The following NEDD9 variants were observed in gnomAD, a reference collection of about 807,000 sequenced individuals.
NEDD9 encodes the protein neural precursor cell expressed, developmentally down-regulated 9.
NEDD9 carries 26 observed loss-of-function variants against 76.6 expected under a neutral mutation model. The observed-to-expected ratio is 0.34, with a 90% CI of 0.25 to 0.47. NEDD9 has a LOEUF of 0.47. NEDD9 is among the 20% of genes least tolerant of loss of function. The pLI is 1.00. For synonymous variants in NEDD9, 392 were observed against 414.2 expected (o/e 0.95, Z 0.65); for missense variants, 937 against 1,058.5 (o/e 0.89, Z 1.59).
chr6:11,200,692 C>T (rs1758421404), intron 2 of NEDD9: 5 of 1,277,992 alleles, frequency 3.9e-6, no homozygotes, highest in Non-Finnish European at 5.0e-6. Context: ...ATGAGATCTA[C>T]GAGGCAGTGA....
rs184690520 is a variant in NEDD9 at position 11,183,699 on chromosome 6, C to T, written c.*1463G>A. 5.8e-4 allele frequency: 88 copies of T among 152,086 alleles called. No homozygotes were observed. Among genetic ancestry groups the T allele is most frequent in the African/African-American group, 2.1e-3 (88 of 41,462 alleles). 9.4% of individuals were successfully genotyped at this position (152,086 alleles called of 1,614,324 possible). A position where few individuals can be genotyped will look rare whatever the true frequency, so the allele number is the denominator to read the frequency against. ...GCATTCTTGTTTTTTAAATCCTTTT[C>T]TGTTCCAATGATTTGGTTGTTTAAA... On this transcript the variant is annotated 3_prime_UTR_variant, in exon 7 of 7. Transcript: ENST00000379446.
At chr6:11,242,629 C>T (rs1276648825) in intron 3 of NEDD9, among the ~76,000 whole-genome samples, 8 of 151,956 alleles carry the variant, frequency 5.3e-5, no homozygotes, top group Non-Finnish European at 1.0e-4. Flanking sequence ...CCAGACAGCT[C>T]TGTGCATTTT....
intron 3 of NEDD9, among the ~76,000 whole-genome samples, chr6:11,282,997 A>T (rs1321405443): frequency 6.6e-6 from 1 of 152,184 alleles, no homozygotes; most frequent in African/African-American, 2.4e-5. Context: ...CGATCTCTTT[A>T]TTGCAACCAT....
At chr6:11,349,660 T>C (rs1311149354) in intron 1 of NEDD9, among the ~76,000 whole-genome samples, 1 of 152,176 alleles carries the variant, frequency 6.6e-6, no homozygotes, top group African/African-American at 2.4e-5. Context: ...CTCAGCATAC[T>C]AATCGGGAAC....
chr6:11,372,986 C>CA (rs1230203385), intron 1 of NEDD9, among the ~76,000 whole-genome samples: 1 of 151,746 alleles, frequency 6.6e-6, no homozygotes, highest in Non-Finnish European at 1.5e-5. Context: ...TTGCTTCAGT[C>CA]AAAAAAACTC....
At chr6:11,375,835 T>A (rs1762960457) in intron 1 of NEDD9, among the ~76,000 whole-genome samples, 1 of 126,968 alleles carries the variant, frequency 7.9e-6, no homozygotes, top group Non-Finnish European at 1.8e-5. Flanking sequence ...TTTTTCTTTC[T>A]TTTTTTTGAG....
intron 1 of NEDD9, among the ~76,000 whole-genome samples, chr6:11,363,479 G>A (rs1008686744): frequency 6.6e-6 from 1 of 152,144 alleles, no homozygotes; most frequent in Non-Finnish European, 1.5e-5. Flanking sequence ...CATGGAATGG[G>A]GGGGAAGTCT....
intron 3 of NEDD9, among the ~76,000 whole-genome samples, chr6:11,265,511 G>A (rs529379961): frequency 2.4e-4 from 36 of 152,266 alleles, no homozygotes; most frequent in African/African-American, 8.7e-4. Flanking sequence ...TATCCTGAAA[G>A]AACAATTGGA....
At chr6:11,319,839 C>T (rs1205290657) in intron 2 of NEDD9, among the ~76,000 whole-genome samples, 19 of 151,092 alleles carry the variant, frequency 1.3e-4, no homozygotes, top group East Asian at 9.6e-4. Context: ...AATACACTCA[C>T]GCACTCATGC....
intron 3 of NEDD9, chr6:11,258,879 T>C (rs1000020362): frequency 6.6e-6 from 1 of 152,244 alleles, no homozygotes; most frequent in African/African-American, 2.4e-5. Flanking sequence ...AGCTGCAATA[T>C]GAAACCAGAA....
intron 2 of NEDD9, chr6:11,200,656 A>G: frequency 3.4e-6 from 4 of 1,171,628 alleles, no homozygotes; most frequent in Non-Finnish European, 4.2e-6. Flanking sequence ...AAAGAAATCA[A>G]TCTTTAGGAA....
chr6:11,271,982 G>A (rs1041424584), intron 3 of NEDD9: 5 of 152,182 alleles, frequency 3.3e-5, no homozygotes, highest in Admixed American at 3.3e-4. Context: ...CTGAAAGCAT[G>A]TTTCCGTCTA....
intron 2 of NEDD9, among the ~76,000 whole-genome samples, chr6:11,325,166 C>T (rs1761895881): frequency 6.6e-6 from 1 of 151,978 alleles, no homozygotes; most frequent in Non-Finnish European, 1.5e-5. Flanking sequence ...ACTAGCCTGG[C>T]CAACATGGCA....
intron 1 of NEDD9, among the ~76,000 whole-genome samples, chr6:11,357,003 C>T (rs924059750): frequency 6.6e-6 from 1 of 152,164 alleles, no homozygotes; most frequent in Admixed American, 6.5e-5. Context: ...TGACTGAGGC[C>T]TTCTGTTCCG....
At chr6:11,341,041 C>T (rs2113521094) in intron 1 of NEDD9, among the ~76,000 whole-genome samples, 1 of 152,280 alleles carries the variant, frequency 6.6e-6, no homozygotes, top group Non-Finnish European at 1.5e-5. Context: ...CCATTGACGT[C>T]CCCCTGTTTG....
At chr6:11,361,746 CAAG>C (rs1359804060) in intron 1 of NEDD9, among the ~76,000 whole-genome samples, 1 of 152,032 alleles carries the variant, frequency 6.6e-6, no homozygotes, top group African/African-American at 2.4e-5. Context: ...CTTAGGAGTA[CAAG>C]AAGAACACCT....
chr6:11,271,987 C>T (rs757345571), intron 3 of NEDD9, among the ~76,000 whole-genome samples: 11 of 152,262 alleles, frequency 7.2e-5, no homozygotes, highest in Admixed American at 2.0e-4. Flanking sequence ...AGCATGTTTC[C>T]GTCTAGTTCT....
rs1261577012 is a variant in NEDD9 at position 11,241,084 on chromosome 6, A to C, written c.13-27357T>G. On this transcript the variant is annotated intron_variant, in intron 3 of 3. Transcript: ENST00000397378. The surrounding 1 kb of genome is among the most constrained non-coding windows in gnomAD (Gnocchi z 4.0). ...TCTTTTCTGCTGATAGAAACTTCAC[A>C]CTGTGGATTTTTACAAAGGTTGAAG... Among the ~76,000 whole-genome samples, 1 of 152,222 alleles carries C rather than the reference A, an allele frequency of 6.6e-6. No individual in the cohort carries two copies. The highest frequency in any genetic ancestry group is 2.4e-5 in the African/African-American group (1 of 41,460).
rs539547908 is a variant in NEDD9, at chr6:11,317,410, C to T, written c.-152-11255G>A. ...CAGCCTGGGCTATAGGGTGAGGCTCCGTCTCAAAAAAATAAATTAAAAAAA... is the reference window on the plus strand; with the variant it reads ...CAGCCTGGGCTATAGGGTGAGGCTCTGTCTCAAAAAAATAAATTAAAAAAA... On this transcript the variant is annotated intron_variant, in intron 2 of 3. Transcript: ENST00000397378. 2.7e-5 allele frequency among the ~76,000 whole-genome samples: 4 copies of T among 149,598 alleles called. No individual in the cohort carries two copies. In the South Asian group the frequency reaches 6.4e-4, roughly 24 times the overall value.
Sources: allele counts gnomAD v4.1 joint callset (sites outside exome capture counted in the v4.1 genomes callset), GRCh38; gene constraint gnomAD v4.1.1; non-coding constraint Gnocchi (gnomAD v3.1); transcripts MANE v1.5; gene names NCBI Gene and HGNC (gene_info 2026-07-23, HGNC 2026-07-21).